PCDH7: variants seen among roughly 807,000 people sequenced by gnomAD.
The protein encoded by PCDH7 is protocadherin 7.
In PCDH7, 17 loss-of-function variants were observed where a neutral mutation model predicts 58.9. That is an observed-to-expected ratio of 0.29 (90% confidence interval 0.20 to 0.43). The LOEUF is 0.43. PCDH7 is among the 20% of genes least tolerant of loss of function. The pLI, the probability that PCDH7 is intolerant of heterozygous loss-of-function variation, is 1.00. For missense variants in PCDH7, 1,274 were observed against 1,441.0 expected, an observed-to-expected ratio of 0.88 and a Z score of 1.88; for synonymous variants, 664 against 616.4, an observed-to-expected ratio of 1.08 and a Z score of -1.14.
intron 2 of PCDH7, among the ~76,000 whole-genome samples, chr4:30,948,742 C>T (rs1254490842): frequency 6.6e-6 from 1 of 152,062 alleles, no homozygotes; most frequent in Non-Finnish European, 1.5e-5. Flanking sequence ...TCTCTTATGA[C>T]AACCAATTAG....
intron 3 of PCDH7, among the ~76,000 whole-genome samples, chr4:31,090,091 T>C (rs1481847056): frequency 6.6e-6 from 1 of 152,084 alleles, no homozygotes; most frequent in Non-Finnish European, 1.5e-5. Context: ...AAATGCCAAG[T>C]CAGCAGGCTA....
intron 1 of PCDH7, among the ~76,000 whole-genome samples, chr4:30,807,621 A>C (rs2109310907): frequency 6.6e-6 from 1 of 152,344 alleles, no homozygotes; most frequent in South Asian, 2.1e-4. Context: ...TTAAAATTTT[A>C]AGGTAAAATT....
chr4:30,847,825 A>G (rs529285218), intron 1 of PCDH7, among the ~76,000 whole-genome samples: 2 of 152,120 alleles, frequency 1.3e-5, no homozygotes, highest in South Asian at 4.1e-4. Context: ...CCTCACTAGC[A>G]CTCTTCCTTT....
Position 30,915,764 on chromosome 4 carries a change from C to T in PCDH7, c.71-4389C>T, listed in dbSNP as rs558680431. On this transcript the variant is annotated intron_variant, in intron 1 of 3. Transcript: ENST00000509759. ...GTCTCAATCTCTTGACCGCATGATC[C>T]GCCCACCTCAGCCTCCCAAAAGTGC... is the stretch of plus-strand genomic sequence containing the variant. Among the ~76,000 whole-genome samples, 5 of 152,156 alleles carry T rather than the reference C, an allele frequency of 3.3e-5. No individual in the cohort carries two copies. The East Asian group carries it at 7.8e-4, about 24-fold the overall frequency.
At chr4:31,098,944 G>A (rs35365933) in intron 3 of PCDH7, among the ~76,000 whole-genome samples, 5,699 of 152,100 alleles carry the variant, frequency 0.037, 481 homozygotes, top group East Asian at 0.36. Context: ...GTTTCCTCAC[G>A]TGGTCTTTAT....
intron 1 of PCDH7, among the ~76,000 whole-genome samples, chr4:30,753,933 T>C (rs1471858265): frequency 6.6e-6 from 1 of 152,162 alleles, no homozygotes; most frequent in Non-Finnish European, 1.5e-5. Flanking sequence ...ATTATGAAAT[T>C]TACCAACAAA....
rs368635062 is a variant in PCDH7 at position 31,142,754 on chromosome 4, G to A, written c.*289G>A. 27 of 1,367,444 alleles carry A rather than the reference G, an allele frequency of 2.0e-5. No individual in the cohort carries two copies. In the African/African-American group the frequency reaches 3.7e-4, roughly 19 times the overall value. 84.7% of individuals were successfully genotyped at this position (1,367,444 alleles called of 1,614,324 possible). A position where few individuals can be genotyped will look rare whatever the true frequency, so the allele number is the denominator to read the frequency against. ...CAGTGCAGCTAGTTTCAGCAAAAAT[G>A]AGGAAGCCAACCCTGAGGATATTCC... On this transcript the variant is annotated 3_prime_UTR_variant, in exon 4 of 4. Coordinates refer to the PCDH7 transcript ENST00000509759.
intron 3 of PCDH7, among the ~76,000 whole-genome samples, chr4:31,141,010 C>T (rs981771209): frequency 6.6e-6 from 1 of 152,128 alleles, no homozygotes; most frequent in South Asian, 2.1e-4. Context: ...TTTCAATAAT[C>T]GATGGGCCGA....
At chr4:30,889,864 A>C (rs189087887) in intron 1 of PCDH7, among the ~76,000 whole-genome samples, 1 of 152,322 alleles carries the variant, frequency 6.6e-6, no homozygotes, top group Non-Finnish European at 1.5e-5. Context: ...CACAGACATA[A>C]CATTCAGACC....
At chr4:30,835,905 A>G (rs928475077) in intron 1 of PCDH7, among the ~76,000 whole-genome samples, 1 of 152,226 alleles carries the variant, frequency 6.6e-6, no homozygotes, top group Non-Finnish European at 1.5e-5. Flanking sequence ...AGACATAGGC[A>G]ATAAAATCAC....
rs551327533 is a variant in PCDH7 at position 30,771,435 on chromosome 4, C to T, written c.70+46839C>T. Reference sequence around the variant, plus strand: ...AAAAGCCATAATTTGATTCTAGGATCTGGGTACCATAATGCAGTCAGAGGA... The same window carrying T: ...AAAAGCCATAATTTGATTCTAGGATTTGGGTACCATAATGCAGTCAGAGGA... On this transcript the variant is annotated intron_variant, in intron 1 of 3. Transcript: ENST00000509759. 1.3e-4 allele frequency among the ~76,000 whole-genome samples: 20 copies of T among 152,270 alleles called. No homozygotes were observed. In the East Asian group the frequency reaches 3.7e-3, roughly 28 times the overall value.
At chr4:30,824,080 TTTCTTTC>T (rs1728720038) in intron 1 of PCDH7, among the ~76,000 whole-genome samples, 4 of 9,954 alleles carry the variant, frequency 4.0e-4, no homozygotes, top group Non-Finnish European at 7.3e-4. Flanking sequence ...CGGGGTTTCT[TTTCTTTC>T]TTTCTTTCTT....
chr4:31,033,561 A>C (rs1057486119), intron 3 of PCDH7, among the ~76,000 whole-genome samples: 3 of 152,144 alleles, frequency 2.0e-5, no homozygotes, highest in Non-Finnish European at 2.9e-5. Flanking sequence ...TCAAAACTTC[A>C]ATTCAAAAAC....
At chr4:31,086,438 TAC>T (rs1275668921) in intron 3 of PCDH7, among the ~76,000 whole-genome samples, 1 of 152,168 alleles carries the variant, frequency 6.6e-6, no homozygotes, top group Non-Finnish European at 1.5e-5. Context: ...TCATTATATA[TAC>T]AGATGTATTA....
chr4:30,912,878 G>A lies in PCDH7; in HGVS notation c.71-7275G>A, dbSNP rs551275810. Among the ~76,000 whole-genome samples the A allele has an allele frequency of 4.6e-5, 7 of 152,234 alleles. No individual in the cohort carries two copies. The East Asian group carries it at 1.4e-3, about 29-fold the overall frequency. On this transcript the variant is annotated intron_variant, in intron 1 of 3. Transcript: ENST00000509759. ...ACTATTGTGTACAGGTTGTAACTTA[G>A]AAAATTTTGCTTAGTAGATGAAAGG...
At chr4:31,012,949 G>A (rs1480836285) in intron 3 of PCDH7, among the ~76,000 whole-genome samples, 3 of 150,564 alleles carry the variant, frequency 2.0e-5, no homozygotes, top group Admixed American at 6.6e-5. Context: ...GTTTGAGGCT[G>A]TAGTGAGCTA....
intron 3 of PCDH7, among the ~76,000 whole-genome samples, chr4:31,026,831 A>C (rs1754474250): frequency 6.6e-6 from 1 of 152,212 alleles, no homozygotes; most frequent in Non-Finnish European, 1.5e-5. Flanking sequence ...CTAATGGTGC[A>C]TGACTACCAC....
chr4:31,024,816 G>C (rs1264352312), intron 3 of PCDH7, among the ~76,000 whole-genome samples: 1 of 151,988 alleles, frequency 6.6e-6, no homozygotes, highest in African/African-American at 2.4e-5. Context: ...ATCTCCACTC[G>C]CTGCAACCTC....
chr4:31,082,492 A>G (rs1408813295), intron 3 of PCDH7, among the ~76,000 whole-genome samples: 1 of 152,210 alleles, frequency 6.6e-6, no homozygotes, highest in Non-Finnish European at 1.5e-5. Context: ...TGCAATTAAA[A>G]TCAGCCAAAA....
Sources: gnomAD v4.1 joint callset for allele counts (sites outside exome capture counted in the v4.1 genomes callset) on GRCh38, gnomAD v4.1.1 for gene constraint, MANE v1.5 for transcripts, NCBI Gene and HGNC (gene_info 2026-07-23, HGNC 2026-07-21) for gene names.